SOD1: variants seen among roughly 807,000 people sequenced by gnomAD.
SOD1 encodes superoxide dismutase [Cu-Zn].
SOD1 carries 8 observed loss-of-function variants against 15.9 expected under a neutral mutation model. The observed-to-expected ratio is 0.50, with a 90% CI of 0.30 to 0.91. The LOEUF (loss-of-function observed/expected upper bound fraction) is 0.91. SOD1 is among the 40% of genes least tolerant of loss of function. The pLI is 0.07. For missense variants in SOD1, 137 were observed against 194.5 expected (o/e 0.70, Z 1.76); for synonymous variants, 86 against 71.2 (o/e 1.21, Z -1.04).
chr21:31,663,306 C>T (rs2049565077), intron 1 of SOD1, among the ~76,000 whole-genome samples: 1 of 151,940 alleles, frequency 6.6e-6, no homozygotes, highest in Non-Finnish European at 1.5e-5. Flanking sequence ...TGCCACTGCA[C>T]TCCAGCCTGG....
At chr21:31,665,698 C>T (rs905944906) in intron 2 of SOD1, among the ~76,000 whole-genome samples, 3 of 152,218 alleles carry the variant, frequency 2.0e-5, no homozygotes, top group African/African-American at 7.2e-5. Flanking sequence ...TGTAAGGCAG[C>T]AGCCTTGGCC....
intron 1 of SOD1, among the ~76,000 whole-genome samples, chr21:31,660,880 G>A (rs951622454): frequency 1.3e-5 from 2 of 152,222 alleles, no homozygotes; most frequent in Non-Finnish European, 2.9e-5. Context: ...CATTTCTTAA[G>A]CCACATTTTC....
chr21:31,662,771 T>G (rs1277238791), intron 1 of SOD1, among the ~76,000 whole-genome samples: 1 of 152,142 alleles, frequency 6.6e-6, no homozygotes. Flanking sequence ...TCCCAGCACT[T>G]TGGGAGGCCG....
In SOD1 at chr21:31,667,255, T is replaced by C. The variant is rs770227978; in HGVS notation, c.240-3T>C. 2 of 1,608,422 alleles carry C rather than the reference T, an allele frequency of 1.2e-6. No homozygotes were observed. The highest frequency in any genetic ancestry group is 4.5e-5 in the East Asian group (2 of 44,854). ...AATCCATCTGATGCTTTTTCATTATTAGGCATGTTGGAGACTTGGGCAATG... is the reference window on the plus strand; with the variant it reads ...AATCCATCTGATGCTTTTTCATTATCAGGCATGTTGGAGACTTGGGCAATG... On this transcript the variant is annotated splice_polypyrimidine_tract_variant and splice_region_variant and intron_variant, in intron 3 of 4. Coordinates refer to ENST00000270142, the MANE Select transcript of SOD1 (RefSeq NM_000454.5).
chr21:31,665,811 A>G (rs1163864115), intron 2 of SOD1, among the ~76,000 whole-genome samples: 1 of 152,306 alleles, frequency 6.6e-6, no homozygotes, highest in South Asian at 2.1e-4. Context: ...TTTGTAAAGT[A>G]TACTACGTTC....
In SOD1 at chr21:31,666,893, G is replaced by A. The variant is rs142267813; in HGVS notation, c.240-365G>A. 1.9e-3 allele frequency: 729 copies of A among 392,000 alleles called. 1 individual carries two copies. The highest frequency in any genetic ancestry group is 2.8e-3 in the Non-Finnish European group (606 of 214,542). 24.3% of individuals were successfully genotyped at this position (392,000 alleles called of 1,614,324 possible). ...AAAAAAAAATTGATACTGAAAACTA[G>A]TCGAGACTCCATTTATATGTGTATG... is the stretch of plus-strand genomic sequence containing the variant. On this transcript the variant is annotated intron_variant, in intron 3 of 4. Transcript: ENST00000270142.
chr21:31,665,970 GTTTT>G (rs397866461), intron 2 of SOD1, among the ~76,000 whole-genome samples: 7,931 of 128,216 alleles, frequency 0.062, 246 homozygotes, highest in Non-Finnish European at 0.068. Context: ...ACTTGGTGGG[GTTTT>G]TTTTTTTTTT....
At chr21:31,659,937 G>A in intron 1 of SOD1, 96 bp downstream of exon 1, 2 of 1,265,630 alleles carry the variant, frequency 1.6e-6, no homozygotes, top group Non-Finnish European at 2.2e-6. Context: ...CCAGGCCTCG[G>A]GGCCGCCCTG....
rs984766079 is a variant in SOD1 at position 31,659,739 on chromosome 21, G to A, written c.-31G>A. 1 of 1,613,070 alleles carries A rather than the reference G, an allele frequency of 6.2e-7. No individual in the cohort carries two copies. The highest frequency in any genetic ancestry group is 8.5e-7 in the Non-Finnish European group (1 of 1,179,366). ...TCTGGGGTTTCCGTTGCAGTCCTCG[G>A]AACCAGGACCTCGGCGTGGCCTAGC... On this transcript the variant is annotated 5_prime_UTR_variant, in exon 1 of 5. Transcript: ENST00000270142.
In SOD1 at chr21:31,662,126, C is replaced by T. The variant is rs531752965; in HGVS notation, c.73-1664C>T. 5.9e-5 allele frequency among the ~76,000 whole-genome samples: 9 copies of T among 152,238 alleles called. 1 individual carries two copies. In the South Asian group the frequency reaches 1.0e-3, roughly 18 times the overall value. ...AGCCTGGTCCCTGCAGGGTTGTACC[C>T]GAGCACAGCTACTTAGATGTCCTGA... On this transcript the variant is annotated intron_variant, in intron 1 of 4. Transcript: ENST00000270142.
At chr21:31,666,198 T>A (rs17883733) in intron 2 of SOD1, among the ~76,000 whole-genome samples, 1 of 152,080 alleles carries the variant, frequency 6.6e-6, no homozygotes, top group South Asian at 2.1e-4. Context: ...GGTCTCAAAC[T>A]CCTGACCTCA....
chr21:31,666,726 G>A lies in SOD1; in HGVS notation c.239+208G>A, dbSNP rs77319474. 1.5e-3 allele frequency: 926 copies of A among 605,190 alleles called. 5 individuals are homozygous for A. Among genetic ancestry groups the A allele is most frequent in the African/African-American group, 0.015 (784 of 54,056 alleles). 37.5% of individuals were successfully genotyped at this position (605,190 alleles called of 1,614,324 possible). On this transcript the variant is annotated intron_variant, in intron 3 of 4. Transcript: ENST00000270142. Reference sequence around the variant, plus strand: ...ATTGACAAATGGGGACACTTAAAACGATTTGGTTTTGTAGCATTTATTGAA... The same window carrying A: ...ATTGACAAATGGGGACACTTAAAACAATTTGGTTTTGTAGCATTTATTGAA...
Position 31,668,611 on chromosome 21 carries a change from A to G in SOD1, c.*33A>G, listed in dbSNP as rs15012. 2 of 1,409,992 alleles carry G rather than the reference A, an allele frequency of 1.4e-6. No individual in the cohort carries two copies. The highest frequency in any genetic ancestry group is 1.7e-5 in the Admixed American group (1 of 59,714). The allele number at this position is 1,409,992 out of a possible 1,614,324, so 87.3% of individuals were successfully genotyped here. ...CTTGGATGTAGTCTGAGGCCCCTTAACTCATCTGTTATCCTGCTAGCTGTA... is the reference window on the plus strand; with the variant it reads ...CTTGGATGTAGTCTGAGGCCCCTTAGCTCATCTGTTATCCTGCTAGCTGTA... On this transcript the variant is annotated 3_prime_UTR_variant, in exon 5 of 5. Transcript: ENST00000270142.
intron 4 of SOD1, among the ~76,000 whole-genome samples, chr21:31,668,016 A>G (rs1254276158): frequency 6.6e-6 from 1 of 152,174 alleles, no homozygotes; most frequent in Admixed American, 6.5e-5. Flanking sequence ...ACTGTTGCTT[A>G]AAGTATTAAG....
chr21:31,668,103 TTCC>T (rs1249855255), intron 4 of SOD1, among the ~76,000 whole-genome samples: 1 of 152,220 alleles, frequency 6.6e-6, no homozygotes, highest in Non-Finnish European at 1.5e-5. Context: ...CACTTTCACT[TTCC>T]TTTTTTTCCA....
intron 4 of SOD1, among the ~76,000 whole-genome samples, chr21:31,668,264 T>C (rs1205122722): frequency 6.6e-6 from 1 of 152,234 alleles, no homozygotes; most frequent in Non-Finnish European, 1.5e-5. Context: ...ACTTACCTAA[T>C]GTTTAAAGGT....
At position 31,668,905 on chromosome 21, in the gene SOD1, A is replaced by G. The variant is rs2049625221; in HGVS notation, c.*327A>G. Reference sequence around the variant, plus strand: ...CCTGTATGGCACTTATTATGAGGCTATTAAAAGAATCCAAATTCAAACTAA... The same window carrying G: ...CCTGTATGGCACTTATTATGAGGCTGTTAAAAGAATCCAAATTCAAACTAA... On this transcript the variant is annotated 3_prime_UTR_variant, in exon 5 of 5. Coordinates refer to ENST00000270142, the MANE Select transcript of SOD1 (RefSeq NM_000454.5). 2 of 285,958 alleles carry G rather than the reference A, an allele frequency of 7.0e-6. No individual in the cohort carries two copies. Among genetic ancestry groups the G allele is most frequent in the Admixed American group, 4.9e-5 (1 of 20,558 alleles). 17.7% of individuals were successfully genotyped at this position (285,958 alleles called of 1,614,324 possible). A position where few individuals can be genotyped will look rare whatever the true frequency, so the allele number is the denominator to read the frequency against.
intron 4 of SOD1, among the ~76,000 whole-genome samples, chr21:31,667,794 G>A (rs2049609577): frequency 6.6e-6 from 1 of 152,134 alleles, no homozygotes; most frequent in Non-Finnish European, 1.5e-5. Flanking sequence ...TGTTTAACTT[G>A]TGGGAAGCTG....
chr21:31,666,495 C>T lies in SOD1; in HGVS notation c.216C>T (p.His72=), dbSNP rs368042695. 46 of 1,612,144 alleles carry T rather than the reference C, an allele frequency of 2.9e-5. No individual in the cohort carries two copies. The South Asian group carries it at 3.8e-4, about 13-fold the overall frequency. The change falls in exon 3 of 5, where the codon CAC becomes CAT. Residue 72 remains histidine, a synonymous_variant. Transcript: ENST00000270142. ...GPHFNPLSRK[H]GGPKDEERHV... The stretch of plus-strand genomic sequence containing the variant: ...ACTTTAATCCTCTATCCAGAAAACA[C>T]GGTGGGCCAAAGGATGAAGAGAGGT...
Sources: allele counts gnomAD v4.1 joint callset (sites outside exome capture counted in the v4.1 genomes callset), GRCh38; gene constraint gnomAD v4.1.1; transcripts MANE v1.5; gene names NCBI Gene and HGNC (gene_info 2026-07-23, HGNC 2026-07-21).